Variants in DPH7 observed in about 807,000 individuals in gnomAD.
DPH7 encodes diphthine methyltransferase.
In DPH7, 44 loss-of-function variants were observed where a neutral mutation model predicts 41.7. The observed-to-expected ratio is 1.05, with a 90% CI of 0.83 to 1.36. The LOEUF (loss-of-function observed/expected upper bound fraction) is 1.36. Ranked by LOEUF, DPH7 falls within the 40% of genes most tolerant of loss-of-function variation. The pLI is 0.00. For missense variants in DPH7, 629 were observed against 577.5 expected, an observed-to-expected ratio of 1.09 and a Z score of -0.91; for synonymous variants, 275 against 238.0, an observed-to-expected ratio of 1.16 and a Z score of -1.43.
intron 1 of DPH7, 121 bp from the exon 2 acceptor site, chr9:137,577,724 G>A: frequency 1.5e-6 from 2 of 1,293,548 alleles, no homozygotes; most frequent in Middle Eastern, 2.6e-4. Flanking sequence ...ATTCTGCCTG[G>A]AAGGAGAACC....
chr9:137,562,719 T>TAATCCTAAC (rs1838840374), intron 8 of DPH7, among the ~76,000 whole-genome samples: 1 of 151,030 alleles, frequency 6.6e-6, no homozygotes. Flanking sequence ...CTCATGCCTG[T>TAATCCTAAC]ACTTTGGGAG....
At chr9:137,562,297 T>C (rs1176176194) in intron 8 of DPH7, among the ~76,000 whole-genome samples, 1 of 152,092 alleles carries the variant, frequency 6.6e-6, no homozygotes, top group Non-Finnish European at 1.5e-5. Flanking sequence ...CGTCCGCAAG[T>C]GCACAGGGGC....
chr9:137,576,578 C>T (rs1841427798), intron 2 of DPH7, among the ~76,000 whole-genome samples: 1 of 152,098 alleles, frequency 6.6e-6, no homozygotes, highest in South Asian at 2.1e-4. Context: ...TTTCTACAAA[C>T]TAACAAACAA....
In DPH7 at chr9:137,554,960, A is replaced by G. The variant is rs1457587047; in HGVS notation, c.*279T>C. The G allele has an allele frequency of 2.6e-6, 1 of 381,820 alleles. No individual in the cohort carries two copies. The highest frequency in any genetic ancestry group is 2.1e-5 in the African/African-American group (1 of 48,464). 23.7% of individuals were successfully genotyped at this position (381,820 alleles called of 1,614,324 possible). A position where few individuals can be genotyped will look rare whatever the true frequency, so the allele number is the denominator to read the frequency against. ...TTGCTTAAACAAGTATGAAAGGCTG[A>G]AAGTCAAAATCTGCCTGAGAAACTT... On this transcript the variant is annotated 3_prime_UTR_variant, in exon 9 of 9. Transcript: ENST00000277540.
Position 137,555,620 on chromosome 9 carries a change from T to C in DPH7, c.978A>G (p.Thr326=). The C allele has an allele frequency of 3.1e-6, 5 of 1,608,074 alleles. No individual in the cohort carries two copies. The highest frequency in any genetic ancestry group is 2.6e-6 in the Non-Finnish European group (3 of 1,175,992). Residue 326 remains threonine, a synonymous_variant, in exon 9 of 9, where the codon ACA becomes ACG. Coordinates refer to ENST00000277540, the MANE Select transcript of DPH7 (RefSeq NM_138778.5). ...MEERQEATVL[T]SHTLPDSLVY... is the part of the protein sequence containing the mutation. ...CCAGCGAGTCGGGCAATGTGTGAGA[T>C]GTCAGGACCGTCGCCTCCTGCCTCT...
At chr9:137,564,837 C>A in intron 7 of DPH7, 56 bp downstream of exon 7, 3 of 1,541,918 alleles carry the variant, frequency 1.9e-6, no homozygotes, top group South Asian at 2.3e-5. Context: ...GGCCCAGGAG[C>A]CCCCCGGGGA....
rs558519701 is a variant in DPH7, at chr9:137,563,868, TA to T, written c.949+565del. Among the ~76,000 whole-genome samples the T allele has an allele frequency of 1.9e-3, 292 of 152,280 alleles. 1 individual carries two copies. The highest frequency in any genetic ancestry group is 3.8e-3 in the Admixed American group (58 of 15,286). On this transcript the variant is annotated intron_variant, in intron 8 of 8. Transcript: ENST00000277540. ...GTTCTGACAGTGGGGGATTACTGCC[TA>T]GAGAAATGTTACAGATCACCAGGAA...
chr9:137,571,924 A>G (rs1172034441), intron 5 of DPH7, among the ~76,000 whole-genome samples: 1 of 152,252 alleles, frequency 6.6e-6, no homozygotes, highest in Non-Finnish European at 1.5e-5. Context: ...GAATCAGTCC[A>G]GAATTATTCA....
At chr9:137,559,357 G>A (rs550122870) in intron 8 of DPH7, among the ~76,000 whole-genome samples, 3 of 152,284 alleles carry the variant, frequency 2.0e-5, no homozygotes, top group East Asian at 3.9e-4. Flanking sequence ...ATGGTCTAGC[G>A]GTAGCGAAAA....
chr9:137,555,501 T>C lies in DPH7; in HGVS notation c.1097A>G (p.Asp366Gly). The C allele has an allele frequency of 6.2e-7, 1 of 1,614,088 alleles. No homozygotes were observed. Among genetic ancestry groups the C allele is most frequent in the Non-Finnish European group, 8.5e-7 (1 of 1,180,002 alleles). Residue 366 changes from aspartate to glycine, a missense_variant, in exon 9 of 9, where the codon GAC (aspartate) becomes GGC (glycine). By Grantham distance (94) the Asp-to-Gly change is moderately conservative. Coordinates refer to ENST00000277540, the MANE Select transcript of DPH7 (RefSeq NM_138778.5). ...TGGCAACTCGCTTGCACCCTTCAGG[T>C]CTGCCGTCTTGGTTCCTAGGTTGCT... Reference protein sequence around the residue: ...FPSNLGTKTADLKGASELPTP... With the variant: ...FPSNLGTKTAGLKGASELPTP...
chr9:137,577,897 C>T, intron 1 of DPH7: 1 of 918,010 alleles, frequency 1.1e-6, no homozygotes, highest in Non-Finnish European at 1.3e-6. Flanking sequence ...CCTGTTGTTC[C>T]AGTGCCCAAT....
At chr9:137,564,303 AGTGT>A in intron 8 of DPH7, 127 bp downstream of exon 8, 1 of 1,139,074 alleles carries the variant, frequency 8.8e-7, no homozygotes, top group African/African-American at 1.6e-5. Context: ...CGACGCTGGG[AGTGT>A]GTAAAAGCTG....
intron 8 of DPH7, among the ~76,000 whole-genome samples, chr9:137,558,239 A>G (rs905120138): frequency 6.6e-6 from 1 of 152,208 alleles, no homozygotes; most frequent in Non-Finnish European, 1.5e-5. Flanking sequence ...TTCAACTTTA[A>G]GAACTGAAGG....
chr9:137,570,347 G>C (rs1257088209), intron 5 of DPH7, among the ~76,000 whole-genome samples: 1 of 152,164 alleles, frequency 6.6e-6, no homozygotes, highest in Non-Finnish European at 1.5e-5. Flanking sequence ...TTATACGTGA[G>C]TCTCTCCACT....
At chr9:137,576,389 A>G in intron 2 of DPH7, 1 of 547,436 alleles carries the variant, frequency 1.8e-6, no homozygotes, top group Non-Finnish European at 3.3e-6. Context: ...ACACAACAGG[A>G]AGTGGTTGTA....
intron 8 of DPH7, among the ~76,000 whole-genome samples, chr9:137,558,938 G>C (rs992729570): frequency 6.6e-6 from 1 of 152,146 alleles, no homozygotes; most frequent in South Asian, 2.1e-4. Context: ...TTACAGGCGT[G>C]AGACACTGCG....
In DPH7 at chr9:137,555,237, G is replaced by C. The variant is rs1489566116; in HGVS notation, c.*2C>G. The C allele has an allele frequency of 6.3e-7, 1 of 1,584,826 alleles. No individual in the cohort carries two copies. Among genetic ancestry groups the C allele is most frequent in the Admixed American group, 1.7e-5 (1 of 57,158 alleles). ...GTGGGAAGGGGCTTCATGATTTCAAGCTCAGTTCCCCTCCCACTCCCAGAG... is the reference window on the plus strand; with the variant it reads ...GTGGGAAGGGGCTTCATGATTTCAACCTCAGTTCCCCTCCCACTCCCAGAG... On this transcript the variant is annotated 3_prime_UTR_variant, in exon 9 of 9. Coordinates refer to ENST00000277540, the MANE Select transcript of DPH7 (RefSeq NM_138778.5).
chr9:137,574,671 G>A (rs1018292679), intron 4 of DPH7, 81 bp downstream of exon 4: 1 of 1,337,278 alleles, frequency 7.5e-7, no homozygotes. Flanking sequence ...CTCGCTGAAG[G>A]TGGCTGGAGC....
intron 5 of DPH7, among the ~76,000 whole-genome samples, chr9:137,573,989 C>A (rs893593693): frequency 8.5e-5 from 13 of 152,214 alleles, no homozygotes. Context: ...TCGCTTGAAC[C>A]TGGGAGGTGG....
Sources: allele counts gnomAD v4.1 joint callset (sites outside exome capture counted in the v4.1 genomes callset), GRCh38; gene constraint gnomAD v4.1.1; transcripts MANE v1.5; gene names NCBI Gene and HGNC (gene_info 2026-07-23, HGNC 2026-07-21).